NOC3L: variants seen among roughly 807,000 people sequenced by gnomAD.
NOC3L encodes the protein NOC3 like DNA replication regulator, also known as nucleolar complex protein 3 homolog.
A neutral mutation model predicts 102.5 loss-of-function variants in NOC3L; 85 were observed. The observed-to-expected ratio is 0.83, with a 90% CI of 0.70 to 0.99. The LOEUF is 0.99. Among genes scored for constraint, NOC3L ranks in the 50% least tolerant of loss-of-function variants. NOC3L has a pLI of 0.00. For synonymous variants in NOC3L, 303 were observed against 309.4 expected (o/e 0.98, Z 0.22); for missense variants, 878 against 914.9 (o/e 0.96, Z 0.52).
chr10:94,337,491 ACATTCACTATG>A (rs2054233748), intron 19 of NOC3L, among the ~76,000 whole-genome samples: 1 of 152,188 alleles, frequency 6.6e-6, no homozygotes, highest in South Asian at 2.1e-4. Context: ...GGGCATATGG[ACATTCACTATG>A]CCATTCTACT....
At chr10:94,320,972 TTATTGA>T in the NOC3L span, among the ~76,000 whole-genome samples, 1 of 152,210 alleles carries the variant, frequency 6.6e-6, no homozygotes, top group African/African-American at 2.4e-5. Flanking sequence ...TTGGTTTTTC[TTATTGA>T]TACGCTTCTG....
the NOC3L span, chr10:94,316,506 T>C: frequency 3.0e-6 from 4 of 1,313,778 alleles, no homozygotes; most frequent in South Asian, 4.8e-5. Context: ...TTGTTTTAAG[T>C]TTTTGCCTCA....
the NOC3L span, among the ~76,000 whole-genome samples, chr10:94,327,110 C>T: frequency 4.0e-5 from 6 of 151,450 alleles, no homozygotes; most frequent in Non-Finnish European, 7.4e-5. Context: ...TGCAGTGAGC[C>T]GAGATTGCGC....
rs76633367 is a variant in NOC3L at position 94,357,201 on chromosome 10, T to C, written c.481A>G (p.Ile161Val). 3,813 of 1,598,264 alleles carry C rather than the reference T, an allele frequency of 2.4e-3. 96 individuals are homozygous for C. The African/African-American group carries it at 0.044, about 18-fold the overall frequency. ...HLLPIKDKSG[I>V]IPQTREKPVT... is the part of the protein sequence containing the mutation. ...GGCTTCTCCCTAGTCTGTGGGATTA[T>C]ACCACTTTTATCTTTGATAGGAAGT... The change falls in exon 4 of 21, where the codon ATA becomes GTA. Residue 161 changes from isoleucine (I) to valine (V), a missense_variant. Coordinates refer to ENST00000371361, the MANE Select transcript of NOC3L (RefSeq NM_022451.11).
the NOC3L span, among the ~76,000 whole-genome samples, chr10:94,326,033 C>T: frequency 1.3e-5 from 2 of 152,180 alleles, no homozygotes; most frequent in African/African-American, 4.8e-5. Context: ...AAATTATTTA[C>T]ATGAGACCTG....
chr10:94,323,048 T>C, the NOC3L span, among the ~76,000 whole-genome samples: 2 of 152,226 alleles, frequency 1.3e-5, no homozygotes, highest in African/African-American at 4.8e-5. Context: ...TTTGGATCTC[T>C]ATAAAGCATT....
intron 1 of NOC3L, 91 bp downstream of exon 1, chr10:94,362,739 G>A (rs1289341271): frequency 1.4e-6 from 2 of 1,433,530 alleles, no homozygotes; most frequent in East Asian, 2.3e-5. Flanking sequence ...CTAGACACGG[G>A]TGAAAACCTG....
downstream of NOC3L, chr10:94,331,700 G>T (rs2054157515): frequency 6.6e-6 from 1 of 152,072 alleles, no homozygotes; most frequent in African/African-American, 2.4e-5. Flanking sequence ...CTAGACTTGG[G>T]TCAATATTCC....
At chr10:94,345,036 CA>C in intron 11 of NOC3L, 103 bp from the exon 12 acceptor site, 1 of 702,754 alleles carries the variant, frequency 1.4e-6, no homozygotes, top group East Asian at 2.7e-5. Context: ...AGTAATACCA[CA>C]TGTTGTCTAT....
downstream of NOC3L, chr10:94,333,095 C>T (rs1334301631): frequency 6.6e-6 from 1 of 152,038 alleles, no homozygotes; most frequent in Non-Finnish European, 1.5e-5. Context: ...TTTCTACTTT[C>T]GTTTACTTCA....
Position 94,334,174 on chromosome 10 carries a change from C to G in NOC3L, c.*3G>C, listed in dbSNP as rs369782482. On this transcript the variant is annotated 3_prime_UTR_variant, in exon 21 of 21. Coordinates refer to ENST00000371361, the MANE Select transcript of NOC3L (RefSeq NM_022451.11). Reference sequence around the variant, plus strand: ...AAGAAAGTCCACTGACTTCATTCCTCTACTAGTGTAGTGATGTTTTCAAAT... The same window carrying G: ...AAGAAAGTCCACTGACTTCATTCCTGTACTAGTGTAGTGATGTTTTCAAAT... 238 of 1,247,886 alleles carry G rather than the reference C, an allele frequency of 1.9e-4. No homozygotes were observed. In the African/African-American group the frequency reaches 3.2e-3, roughly 17 times the overall value. The allele number at this position is 1,247,886 out of a possible 1,614,324, so 77.3% of individuals were successfully genotyped here. A position where few individuals can be genotyped will look rare whatever the true frequency, so the allele number is the denominator to read the frequency against.
chr10:94,316,958 A>T, the NOC3L span, among the ~76,000 whole-genome samples: 2 of 152,240 alleles, frequency 1.3e-5, no homozygotes, highest in African/African-American at 2.4e-5. Flanking sequence ...CAATCTAAAA[A>T]ACATCCCTTA....
At chr10:94,335,820 T>A (rs2054211365) in intron 19 of NOC3L, among the ~76,000 whole-genome samples, 1 of 152,096 alleles carries the variant, frequency 6.6e-6, no homozygotes, top group Admixed American at 6.5e-5. Flanking sequence ...CAGAAACCAA[T>A]GGGCTTGCAA....
the NOC3L span, among the ~76,000 whole-genome samples, chr10:94,317,353 T>C: frequency 6.6e-6 from 1 of 152,156 alleles, no homozygotes; most frequent in Non-Finnish European, 1.5e-5. Context: ...AAGCAAAGAT[T>C]CCTTATGCAT....
intron 4 of NOC3L, 69 bp from the exon 5 acceptor site, chr10:94,356,660 AG>A (rs68164646): frequency 7.4e-6 from 7 of 947,658 alleles, no homozygotes; most frequent in Middle Eastern, 2.1e-4. Flanking sequence ...AAGAAATGCT[AG>A]GAGGTGATTA....
intron 11 of NOC3L, among the ~76,000 whole-genome samples, chr10:94,345,517 G>C (rs1353227243): frequency 6.6e-6 from 1 of 152,068 alleles, no homozygotes; most frequent in Non-Finnish European, 1.5e-5. Context: ...GAGGCACAGG[G>C]AACTGAAAAA....
At chr10:94,341,643 T>A (rs1359405766) in intron 14 of NOC3L, 30 bp downstream of exon 14, 4 of 1,198,730 alleles carry the variant, frequency 3.3e-6, no homozygotes, top group Non-Finnish European at 4.6e-6. Flanking sequence ...ACCATTTATA[T>A]CTTTTAAAAA....
chr10:94,337,756 T>A (rs1183377297), intron 19 of NOC3L, 21 bp downstream of exon 19: 1 of 1,515,548 alleles, frequency 6.6e-7, no homozygotes, highest in Non-Finnish European at 9.2e-7. Flanking sequence ...AGTTTTAGAA[T>A]AAGGCAATGC....
chr10:94,352,007 A>T (rs761270665), intron 8 of NOC3L, among the ~76,000 whole-genome samples: 5 of 152,240 alleles, frequency 3.3e-5, no homozygotes, highest in Non-Finnish European at 5.9e-5. Flanking sequence ...AGTACATGCT[A>T]GGCACTGTTT....
Sources: allele counts gnomAD v4.1 joint callset (sites outside exome capture counted in the v4.1 genomes callset), GRCh38; gene constraint gnomAD v4.1.1; transcripts MANE v1.5; gene names NCBI Gene and HGNC (gene_info 2026-07-23, HGNC 2026-07-21).